The following CDYL variants were observed in gnomAD, a reference collection of about 807,000 sequenced individuals.
The protein encoded by CDYL is chromodomain Y-like protein.
CDYL carries 8 observed loss-of-function variants against 47.3 expected under a neutral mutation model. The ratio of observed to expected loss-of-function variants is 0.17; its 90% CI spans 0.10 to 0.31. The LOEUF (loss-of-function observed/expected upper bound fraction) is 0.31. CDYL is among the 10% of genes least tolerant of loss of function. The pLI, the probability that CDYL is intolerant of heterozygous loss-of-function variation, is 1.00. For missense variants in CDYL, 471 were observed against 701.4 expected (o/e 0.67, Z 3.71); for synonymous variants, 266 against 265.0 (o/e 1.00, Z -0.04).
chr6:4,756,580 A>ATGTG lies in CDYL; in HGVS notation c.186+21768_186+21771dup, dbSNP rs4053260. On this transcript the variant is annotated intron_variant, in intron 3 of 8. Transcript: ENST00000328908. ...TGTAGTAATTAAAATTATCGTGTGT[A>ATGTG]TGTGTGTGTGTGTGTGTGTGTGTGT... Among the ~76,000 whole-genome samples, 432 of 142,924 alleles carry ATGTG rather than the reference A, an allele frequency of 3.0e-3. 1 individual carries two copies. Among genetic ancestry groups the ATGTG allele is most frequent in the Admixed American group, 4.3e-3 (60 of 14,104 alleles). 93.8% of individuals were successfully genotyped at this position (142,924 alleles called of 152,430 possible). A position where few individuals can be genotyped will look rare whatever the true frequency, so the allele number is the denominator to read the frequency against.
rs779362976 is a variant in CDYL at position 4,937,597 on chromosome 6, G to C, written c.981G>C (p.Thr327=). The C allele has an allele frequency of 1.3e-6, 2 of 1,596,146 alleles. No individual in the cohort carries two copies. The highest frequency in any genetic ancestry group is 4.5e-5 in the East Asian group (2 of 44,122). The change falls in exon 4 of 7, where the codon ACG becomes ACC. Residue 327 remains threonine (T), a synonymous_variant. Coordinates refer to ENST00000397588, the MANE Select transcript of CDYL (RefSeq NM_004824.4). ...VMREVQSALS[T]AAADDSKLVL... is the part of the protein sequence containing the mutation. ...GAGAAGTCCAGAGTGCTCTGAGCAC[G>C]GCCGCTGCCGATGACAGCAAGCTGG...
intron 1 of CDYL, among the ~76,000 whole-genome samples, chr6:4,783,035 G>T (rs147522776): frequency 1.1e-3 from 170 of 152,266 alleles, no homozygotes; most frequent in Non-Finnish European, 1.8e-3. Context: ...GAACTCACAT[G>T]CTACTGCTTT....
At chr6:4,828,769 C>CT (rs143170279) in intron 1 of CDYL, among the ~76,000 whole-genome samples, 1,537 of 152,286 alleles carry the variant, frequency 0.01, 31 homozygotes, top group African/African-American at 0.034. Context: ...TGGTGTCCTG[C>CT]TAGCCTACTA....
At chr6:4,886,582 A>G (rs2127481041) in intron 1 of CDYL, among the ~76,000 whole-genome samples, 1 of 152,082 alleles carries the variant, frequency 6.6e-6, no homozygotes, top group South Asian at 2.1e-4. Context: ...TCTTTTTATT[A>G]TTGAACTGTA....
intron 1 of CDYL, among the ~76,000 whole-genome samples, chr6:4,887,185 T>A (rs1404183431): frequency 6.6e-6 from 1 of 152,212 alleles, no homozygotes; most frequent in Non-Finnish European, 1.5e-5. Flanking sequence ...TCAATTGTTC[T>A]TACCAATTCC....
intron 5 of CDYL, among the ~76,000 whole-genome samples, chr6:4,948,310 A>T (rs1047284517): frequency 2.6e-5 from 4 of 152,156 alleles, no homozygotes; most frequent in Non-Finnish European, 5.9e-5. Flanking sequence ...GACATTTTGG[A>T]AGTGGAGCCC....
Position 4,848,555 on chromosome 6 carries a change from G to C in CDYL, c.25-43158G>C, listed in dbSNP as rs988045302. On this transcript the variant is annotated intron_variant, in intron 1 of 6. Transcript: ENST00000397588. ...TAGAAAAACAACAATGAAGGTCTTCGACACAGGAGAGAGTCTGCACTGCAT... is the reference window on the plus strand; with the variant it reads ...TAGAAAAACAACAATGAAGGTCTTCCACACAGGAGAGAGTCTGCACTGCAT... Among the ~76,000 whole-genome samples the C allele has an allele frequency of 5.9e-5, 9 of 152,308 alleles. No individual in the cohort carries two copies. In the South Asian group the frequency reaches 8.3e-4, roughly 14 times the overall value.
rs145915625 is a variant in CDYL, at chr6:4,709,496, G to A, written c.-39+3245G>A. Among the ~76,000 whole-genome samples the A allele has an allele frequency of 1.3e-3, 197 of 151,964 alleles. 5 individuals carry two copies. Among genetic ancestry groups the A allele is most frequent in the Admixed American group, 0.012 (183 of 15,258 alleles). ...CAGGCGTGAGCCATTGCACCCAGCC[G>A]CCCCCAGTCATTTTTATGGCTTCTC... On this transcript the variant is annotated intron_variant, in intron 1 of 8. Coordinates refer to the CDYL transcript ENST00000328908.
At chr6:4,769,507 C>T (rs1223238571) in intron 3 of CDYL, among the ~76,000 whole-genome samples, 1 of 152,078 alleles carries the variant, frequency 6.6e-6, no homozygotes, top group Admixed American at 6.6e-5. Flanking sequence ...TGCCTTTTTG[C>T]ATATCTAGTA....
intron 1 of CDYL, among the ~76,000 whole-genome samples, chr6:4,874,862 T>C (rs1399015431): frequency 6.6e-6 from 1 of 152,192 alleles, no homozygotes; most frequent in Non-Finnish European, 1.5e-5. Context: ...ATGGTGACGT[T>C]TGGATTCGTC....
intron 1 of CDYL, among the ~76,000 whole-genome samples, chr6:4,885,686 T>G (rs2127480565): frequency 6.6e-6 from 1 of 152,346 alleles, no homozygotes; most frequent in Non-Finnish European, 1.5e-5. Context: ...TTGCGAAAAG[T>G]TCTTTTAGCT....
Position 4,858,322 on chromosome 6 carries a change from C to A in CDYL, c.25-33391C>A, listed in dbSNP as rs367668643. ...TAAACCACCGTTTGATTTGATTATT[C>A]TTCTAGGTTATTATCTTACTGACAT... On this transcript the variant is annotated intron_variant, in intron 1 of 6. Transcript: ENST00000397588. 2.0e-4 allele frequency among the ~76,000 whole-genome samples: 31 copies of A among 152,304 alleles called. 1 individual carries two copies. Among genetic ancestry groups the A allele is most frequent in the African/African-American group, 6.0e-4 (25 of 41,564 alleles).
At chr6:4,941,291 C>T (rs1271362004) in intron 4 of CDYL, among the ~76,000 whole-genome samples, 1 of 152,222 alleles carries the variant, frequency 6.6e-6, no homozygotes, top group East Asian at 1.9e-4. Flanking sequence ...GAAGGCAGCC[C>T]CTGCCTCGCC....
At chr6:4,755,042 G>GT (rs557241454) in intron 3 of CDYL, among the ~76,000 whole-genome samples, 252 of 150,744 alleles carry the variant, frequency 1.7e-3, no homozygotes, top group African/African-American at 5.8e-3. Context: ...TGTTGTTGTT[G>GT]TTTTTTGTTT....
At chr6:4,769,958 G>A (rs1758312472) in intron 3 of CDYL, among the ~76,000 whole-genome samples, 5 of 143,438 alleles carry the variant, frequency 3.5e-5, no homozygotes, top group African/African-American at 8.1e-5. Context: ...CACCACGCCC[G>A]GCTAATTTGT....
At chr6:4,834,845 C>G (rs1006739761) in intron 1 of CDYL, among the ~76,000 whole-genome samples, 132 of 152,206 alleles carry the variant, frequency 8.7e-4, no homozygotes, top group Non-Finnish European at 7.8e-4. Context: ...CGCTGATACC[C>G]TTTCTTCCAG....
chr6:4,950,939 A>G (rs1314884598), intron 5 of CDYL, among the ~76,000 whole-genome samples: 9 of 151,496 alleles, frequency 5.9e-5, no homozygotes, highest in Admixed American at 1.3e-4. Flanking sequence ...CTCAAAAAAA[A>G]AAAAAAAAAC....
chr6:4,753,458 C>G (rs1758029478), intron 3 of CDYL, among the ~76,000 whole-genome samples: 1 of 152,158 alleles, frequency 6.6e-6, no homozygotes, highest in East Asian at 1.9e-4. Flanking sequence ...TAGCAAAATA[C>G]TGATTTTTGA....
chr6:4,772,929 GGATTCAAATGTA>G, upstream of CDYL: 1 of 356,206 alleles, frequency 2.8e-6, no homozygotes, highest in South Asian at 2.1e-5. Flanking sequence ...GGATGCCTTT[GGATTCAAATGTA>G]GATGAAATGC....
Sources: allele counts gnomAD v4.1 joint callset (sites outside exome capture counted in the v4.1 genomes callset), GRCh38; gene constraint gnomAD v4.1.1; transcripts MANE v1.5; gene names NCBI Gene and HGNC (gene_info 2026-07-23, HGNC 2026-07-21).